The following EHMT2 variants were observed in gnomAD, a reference collection of about 807,000 sequenced individuals.
The protein encoded by EHMT2 is euchromatic histone lysine methyltransferase 2.
EHMT2 carries 59 observed loss-of-function variants against 143.3 expected under a neutral mutation model. The ratio of observed to expected loss-of-function variants is 0.41; its 90% CI spans 0.33 to 0.51. The LOEUF (loss-of-function observed/expected upper bound fraction) is 0.51. EHMT2 is among the 20% of genes least tolerant of loss of function. The probability of loss-of-function intolerance (pLI) is 0.18; values close to 1 mark genes in which losing one functional copy is unlikely to be tolerated. For synonymous variants in EHMT2, 604 were observed against 651.5 expected (o/e 0.93, Z 1.11); for missense variants, 1,174 against 1,645.9 (o/e 0.71, Z 4.96).
Position 31,880,604 on chromosome 6 carries a change from C to A in EHMT2, c.3452+69G>T. The A allele has an allele frequency of 6.5e-7, 1 of 1,535,036 alleles. No homozygotes were observed. The highest frequency in any genetic ancestry group is 1.2e-5 in the South Asian group (1 of 86,804). On this transcript the variant is annotated intron_variant, in intron 27 of 27. Transcript: ENST00000375537. The surrounding 1 kb of genome is among the most constrained non-coding windows in gnomAD (Gnocchi z 6.6). ...TGCCTGGACACCAGGTACATGCCAGCCTTCAGGTCCCAGGTTTGCTGCATC... is the reference window on the plus strand; with the variant it reads ...TGCCTGGACACCAGGTACATGCCAGACTTCAGGTCCCAGGTTTGCTGCATC...
In EHMT2 at chr6:31,884,362, C is replaced by A; in HGVS notation, c.2771+30G>T. ...AGGGTATGGGTGGGGAGGAGGTGGT[C>A]TTGGGTGCAGAGAGGGGCCCAGGGC... On this transcript the variant is annotated intron_variant, in intron 21 of 27. Transcript: ENST00000375537. The surrounding 1 kb of genome is among the most constrained non-coding windows in gnomAD (Gnocchi z 7.3). The A allele has an allele frequency of 6.3e-7, 1 of 1,593,214 alleles. No individual in the cohort carries two copies.
intron 4 of EHMT2, chr6:31,893,805 GAGAA>G (rs1257459724): frequency 5.7e-6 from 1 of 176,686 alleles, no homozygotes; most frequent in South Asian, 1.4e-4. Context: ...CAAATTTATA[GAGAA>G]AGAAAGGACA....
rs1764147354 is a variant in EHMT2 at position 31,881,860 on chromosome 6, T to C, written c.3198-768A>G. Among the ~76,000 whole-genome samples, 1 of 152,114 alleles carries C rather than the reference T, an allele frequency of 6.6e-6. No homozygotes were observed. Among genetic ancestry groups the C allele is most frequent in the Non-Finnish European group, 1.5e-5 (1 of 68,002 alleles). ...GGCTCACGCCTGTAATCCCAGCACT[T>C]TGGGAGGCCGAGGTGGGCGGATCAT... On this transcript the variant is annotated intron_variant, in intron 25 of 27. Transcript: ENST00000375537. The surrounding 1 kb of genome is among the most constrained non-coding windows in gnomAD (Gnocchi z 4.8).
At position 31,888,716 on chromosome 6, in the gene EHMT2, T is replaced by C. The variant is rs1318341255; in HGVS notation, c.1248A>G (p.Thr416=). The stretch of plus-strand genomic sequence containing the variant: ...GGGGCAACTCCTCAAACCCTCGCTC[T>C]GTCTCCAGCGAAGATGTGTCATTGG... The change falls in exon 11 of 28, where the codon ACA becomes ACG. Residue 416 remains threonine, a synonymous_variant. Coordinates refer to ENST00000375537, the Ensembl canonical transcript of EHMT2. This position sits in a 1 kb window ranked among gnomAD's most constrained non-coding sequence, Gnocchi z 7.4. 1.2e-6 allele frequency: 2 copies of C among 1,613,656 alleles called. No individual in the cohort carries two copies. Among genetic ancestry groups the C allele is most frequent in the South Asian group, 1.1e-5 (1 of 91,088 alleles).
Position 31,892,113 on chromosome 6 carries a change from G to A in EHMT2, c.864+294C>T, listed in dbSNP as rs563999672. On this transcript the variant is annotated intron_variant, in intron 7 of 27. Transcript: ENST00000375537. Reference sequence around the variant, plus strand: ...AAAAATTAGCCGGGCGTGGTGGCAGGTGCCTGTAATCCCAGCTACTCGGGA... The same window carrying A: ...AAAAATTAGCCGGGCGTGGTGGCAGATGCCTGTAATCCCAGCTACTCGGGA... Among the ~76,000 whole-genome samples, 296 of 152,238 alleles carry A rather than the reference G, an allele frequency of 1.9e-3. 1 individual carries two copies. The highest frequency in any genetic ancestry group is 5.0e-3 in the African/African-American group (208 of 41,526).
In EHMT2 at chr6:31,896,585, C is replaced by T. The variant is rs781118934; in HGVS notation, c.328+21G>A. 20 of 1,588,198 alleles carry T rather than the reference C, an allele frequency of 1.3e-5. 1 individual carries two copies. The South Asian group carries it at 2.2e-4, about 17-fold the overall frequency. ...GAGTCAGAAATTTCCCACCAACCCC[C>T]CAGGCTACCCAGCCTCTCACCCAGC... On this transcript the variant is annotated intron_variant, in intron 3 of 27. Coordinates refer to ENST00000375537, the Ensembl canonical transcript of EHMT2.
intron 3 of EHMT2, 27 bp from the exon 4 acceptor site, chr6:31,896,543 G>A (rs370345573): frequency 6.2e-7 from 1 of 1,609,682 alleles, no homozygotes. Flanking sequence ...CAAAAGGCAA[G>A]ATAAGAAAGA....
rs776616095 is a variant in EHMT2 at position 31,892,818 on chromosome 6, G to C, written c.667+8C>G. On this transcript the variant is annotated splice_region_variant and intron_variant, in intron 5 of 27. Transcript: ENST00000375537. ...ATCAAGCCACCGGGGGTGGGGGATGGGACTGACCTGAGGTCACCTTTCCCA... is the reference window on the plus strand; with the variant it reads ...ATCAAGCCACCGGGGGTGGGGGATGCGACTGACCTGAGGTCACCTTTCCCA... 6.2e-7 allele frequency: 1 copy of C among 1,611,130 alleles called. No individual in the cohort carries two copies. Among genetic ancestry groups the C allele is most frequent in the Non-Finnish European group, 8.5e-7 (1 of 1,178,734 alleles).
Position 31,883,977 on chromosome 6 carries a change from G to C in EHMT2, c.2772-27C>G, listed in dbSNP as rs1764461682. The stretch of plus-strand genomic sequence containing the variant: ...TGCAGAAGACGGGAAGAAGGGGCTG[G>C]GAAGCTGGAAAAGGGGGTGAGGAGC... On this transcript the variant is annotated intron_variant, in intron 21 of 27. Transcript: ENST00000375537. This position sits in a 1 kb window ranked among gnomAD's most constrained non-coding sequence, Gnocchi z 5.6. 1.2e-6 allele frequency: 2 copies of C among 1,609,824 alleles called. No individual in the cohort carries two copies. Among genetic ancestry groups the C allele is most frequent in the Non-Finnish European group, 1.7e-6 (2 of 1,177,180 alleles).
chr6:31,888,173 T>C lies in EHMT2; in HGVS notation c.1613A>G (p.Glu538Gly), dbSNP rs2151625218. ...CACCTCTTGAGCTTCAGAAGCATCC[T>C]CCCCACAGTGGGGACAGAAGACCAT... The change falls in exon 13 of 28, where the codon GAG becomes GGG. Residue 538 changes from glutamate (E) to glycine (G), a missense_variant. By Grantham distance (98) the Glu-to-Gly change is moderately conservative. This residue lies in a region of EHMT2 where 608 missense variants were observed against 903.7 expected (regional missense o/e 0.67). Coordinates refer to ENST00000375537, the Ensembl canonical transcript of EHMT2. The surrounding 1 kb of genome is among the most constrained non-coding windows in gnomAD (Gnocchi z 7.4). The C allele has an allele frequency of 6.2e-7, 1 of 1,612,738 alleles. No homozygotes were observed.
Position 31,882,766 on chromosome 6 carries a change from G to A in EHMT2, c.3130C>T (p.Arg1044Ter), listed in dbSNP as rs185916687. 4 of 1,612,492 alleles carry A rather than the reference G, an allele frequency of 2.5e-6. No homozygotes were observed. The highest frequency in any genetic ancestry group is 1.3e-5 in the African/African-American group (1 of 75,014). ...ACCCCCCAGCCCATCTTGGCTGTTC[G>A]GTAGAGCTGTAGCCGCACCCTGGGG... The change falls in exon 25 of 28, where the codon CGA becomes TGA. Residue 1044 changes from arginine to a stop codon, truncating the protein, a stop_gained. Coordinates refer to ENST00000375537, the Ensembl canonical transcript of EHMT2. LOFTEE classifies it high-confidence loss of function.
At position 31,884,201 on chromosome 6, in the gene EHMT2, T is replaced by C. The variant is rs1443653450; in HGVS notation, c.2771+191A>G. Reference sequence around the variant, plus strand: ...GCATCTGTGCATCTGAAATTCCAGTTTAACTGGGTGTCTTCTATTTTTATT... The same window carrying C: ...GCATCTGTGCATCTGAAATTCCAGTCTAACTGGGTGTCTTCTATTTTTATT... On this transcript the variant is annotated intron_variant, in intron 21 of 27. Coordinates refer to ENST00000375537, the Ensembl canonical transcript of EHMT2. This position sits in a 1 kb window ranked among gnomAD's most constrained non-coding sequence, Gnocchi z 7.3. 2.7e-6 allele frequency: 2 copies of C among 744,706 alleles called. No homozygotes were observed. The highest frequency in any genetic ancestry group is 3.0e-5 in the Admixed American group (1 of 33,766). The allele number at this position is 744,706 out of a possible 1,614,324, so 46.1% of individuals were successfully genotyped here.
chr6:31,883,251 TC>T lies in EHMT2; in HGVS notation c.2994+110del. On this transcript the variant is annotated intron_variant, in intron 23 of 27. Transcript: ENST00000375537. This position sits in a 1 kb window ranked among gnomAD's most constrained non-coding sequence, Gnocchi z 5.6. Reference sequence around the variant, plus strand: ...GCCTTGCCCAGTCCTCTCAGTCACTTCCCCCACAGGGTAGGAGGTGAGGGAC... The same window carrying T: ...GCCTTGCCCAGTCCTCTCAGTCACTTCCCCACAGGGTAGGAGGTGAGGGAC... 3 of 1,181,508 alleles carry T rather than the reference TC, an allele frequency of 2.5e-6. No homozygotes were observed. Among genetic ancestry groups the T allele is most frequent in the Non-Finnish European group, 3.7e-6 (3 of 818,428 alleles). 73.2% of individuals were successfully genotyped at this position (1,181,508 alleles called of 1,614,324 possible).
At chr6:31,897,045 G>A (rs889746298) in intron 1 of EHMT2, 56 bp from the exon 2 acceptor site, 1 of 1,512,240 alleles carries the variant, frequency 6.6e-7, no homozygotes. Flanking sequence ...GAGTTGGGGG[G>A]TCCAGGATGC....
chr6:31,886,621 C>T, exon 18 of EHMT2: 1 of 1,613,424 alleles, frequency 6.2e-7, no homozygotes, highest in Non-Finnish European at 8.5e-7. Context: ...CAGCAGCAGG[C>T]TGACCATCTC....
In EHMT2 at chr6:31,889,552, T is replaced by TTCCTCCTCC. The variant is rs755741422; in HGVS notation, c.906_914dup (p.Glu321_Glu323dup). The TTCCTCCTCC allele has an allele frequency of 1.2e-6, 2 of 1,611,344 alleles. No homozygotes were observed. The highest frequency in any genetic ancestry group is 1.7e-6 in the Non-Finnish European group (2 of 1,179,476). On this transcript the variant is annotated inframe_insertion, in exon 8 of 28. Transcript: ENST00000375537. The surrounding 1 kb of genome is among the most constrained non-coding windows in gnomAD (Gnocchi z 5.1). The stretch of plus-strand genomic sequence containing the variant: ...CTTCCTCTTCTTCTTCTTCCTCCTC[T>TTCCTCCTCC]TCCTCCTCCTCCTCTTCACTTAGTT...
Position 31,888,007 on chromosome 6 carries a change from G to C in EHMT2, c.1745+34C>G. On this transcript the variant is annotated intron_variant, in intron 13 of 27. Coordinates refer to ENST00000375537, the Ensembl canonical transcript of EHMT2. This position sits in a 1 kb window ranked among gnomAD's most constrained non-coding sequence, Gnocchi z 7.4. ...GTCCAGGAGCAATAGGGGTGGGGGA[G>C]GGAACAGACAGTACAGAAGGGGGAG... The C allele has an allele frequency of 1.3e-6, 2 of 1,567,972 alleles. No individual in the cohort carries two copies. Among genetic ancestry groups the C allele is most frequent in the South Asian group, 2.4e-5 (2 of 84,846 alleles).
At position 31,892,204 on chromosome 6, in the gene EHMT2, T is replaced by C. The variant is rs568750885; in HGVS notation, c.864+203A>G. ...TTGCAGTGAGCCCAGATCGTGATAT[T>C]GCGCTCCAGCCTGGGCGACAGAATG... On this transcript the variant is annotated intron_variant, in intron 7 of 27. Coordinates refer to ENST00000375537, the Ensembl canonical transcript of EHMT2. 6.6e-4 allele frequency among the ~76,000 whole-genome samples: 100 copies of C among 152,254 alleles called. 1 individual carries two copies. The highest frequency in any genetic ancestry group is 3.4e-3 in the Admixed American group (52 of 15,284).
chr6:31,892,379 C>A, intron 7 of EHMT2, 28 bp downstream of exon 7: 2 of 1,604,364 alleles, frequency 1.2e-6, no homozygotes, highest in South Asian at 1.1e-5. Context: ...GGAGCACCGG[C>A]GGGGAGGGCA....
Sources: allele counts gnomAD v4.1 joint callset (sites outside exome capture counted in the v4.1 genomes callset), GRCh38; gene constraint gnomAD v4.1.1; regional missense constraint gnomAD v4.1.1; non-coding constraint Gnocchi (gnomAD v3.1); transcripts MANE v1.5; gene names NCBI Gene and HGNC (gene_info 2026-07-23, HGNC 2026-07-21).